ASB18: variants seen among roughly 807,000 people sequenced by gnomAD.
ASB18 encodes ankyrin repeat and SOCS box protein 18.
Under a neutral mutation model 33.4 loss-of-function variants are expected in ASB18, and 33 were observed. The ratio of observed to expected loss-of-function variants is 0.99; its 90% CI spans 0.75 to 1.32. ASB18 has a LOEUF of 1.32. Ranked by LOEUF, ASB18 falls within the 40% of genes most tolerant of loss-of-function variation. The probability of loss-of-function intolerance (pLI) is 0.00; values close to 1 mark genes in which losing one functional copy is unlikely to be tolerated. For missense variants in ASB18, 694 were observed against 655.5 expected (o/e 1.06, Z -0.64); for synonymous variants, 295 against 307.6 (o/e 0.96, Z 0.43).
rs2060709042 is a variant in ASB18 at position 236,259,626 on chromosome 2, T to C, written c.205+4515A>G. 2.1e-6 allele frequency: 1 copy of C among 469,996 alleles called. No homozygotes were observed. Among genetic ancestry groups the C allele is most frequent in the South Asian group, 1.6e-5 (1 of 64,386 alleles). The allele number at this position is 469,996 out of a possible 1,614,324, so 29.1% of individuals were successfully genotyped here. Reference sequence around the variant, plus strand: ...TGAGCAGAGGAGGTGCAGCCCTGGCTGGGAGGATCCTGTTGGGATGGGGAT... The same window carrying C: ...TGAGCAGAGGAGGTGCAGCCCTGGCCGGGAGGATCCTGTTGGGATGGGGAT... On this transcript the variant is annotated intron_variant, in intron 1 of 5. Transcript: ENST00000409749. This position sits in a 1 kb window ranked among gnomAD's most constrained non-coding sequence, Gnocchi z 4.4.
rs1045100840 is a variant in ASB18 at position 236,234,886 on chromosome 2, A to AT, written c.596+2802dup. Among the ~76,000 whole-genome samples the AT allele has an allele frequency of 7.2e-5, 11 of 151,794 alleles. No homozygotes were observed. Among genetic ancestry groups the AT allele is most frequent in the Non-Finnish European group, 1.3e-4 (9 of 67,856 alleles). Reference sequence around the variant, plus strand: ...ATCTGTATGACCTTGGGTTAGGCAGATTTTTTTTTAGATATCATAACCCAA... The same window carrying AT: ...ATCTGTATGACCTTGGGTTAGGCAGATTTTTTTTTTAGATATCATAACCCAA... On this transcript the variant is annotated intron_variant, in intron 3 of 5. Coordinates refer to ENST00000409749, the MANE Select transcript of ASB18 (RefSeq NM_212556.4). The surrounding 1 kb of genome is among the most constrained non-coding windows in gnomAD (Gnocchi z 4.1).
Position 236,237,418 on chromosome 2 carries a change from C to G in ASB18, c.596+271G>C, listed in dbSNP as rs1230956622. On this transcript the variant is annotated intron_variant, in intron 3 of 5. Coordinates refer to ENST00000409749, the MANE Select transcript of ASB18 (RefSeq NM_212556.4). The surrounding 1 kb of genome is among the most constrained non-coding windows in gnomAD (Gnocchi z 6.2). ...CGGGGCCGGGGCGCGGGGCGGGGGC[C>G]GGGGCCGGGGCGCGGGGCGAGGGCC... Among the ~76,000 whole-genome samples the G allele has an allele frequency of 2.8e-5, 3 of 106,564 alleles. No individual in the cohort carries two copies. Among genetic ancestry groups the G allele is most frequent in the African/African-American group, 1.4e-4 (3 of 20,740 alleles). The allele number at this position is 106,564 out of a possible 152,430, so 69.9% of individuals were successfully genotyped here. A position where few individuals can be genotyped will look rare whatever the true frequency, so the allele number is the denominator to read the frequency against.
chr2:236,226,228 C>G lies in ASB18; in HGVS notation c.597-11362G>C, dbSNP rs930758358. Among the ~76,000 whole-genome samples the G allele has an allele frequency of 6.6e-6, 1 of 152,110 alleles. No homozygotes were observed. The highest frequency in any genetic ancestry group is 2.4e-5 in the African/African-American group (1 of 41,418). ...TGTAGAGGTGTTCAATGGGACCTGCCAGCATATTCCATTATCATCATTGAT... is the reference window on the plus strand; with the variant it reads ...TGTAGAGGTGTTCAATGGGACCTGCGAGCATATTCCATTATCATCATTGAT... On this transcript the variant is annotated intron_variant, in intron 3 of 5. Coordinates refer to ENST00000409749, the MANE Select transcript of ASB18 (RefSeq NM_212556.4). The surrounding 1 kb of genome is among the most constrained non-coding windows in gnomAD (Gnocchi z 4.8).
Position 236,222,766 on chromosome 2 carries a change from T to C in ASB18, c.597-7900A>G, listed in dbSNP as rs2060518361. 6.6e-6 allele frequency among the ~76,000 whole-genome samples: 1 copy of C among 152,202 alleles called. No homozygotes were observed. Among genetic ancestry groups the C allele is most frequent in the East Asian group, 1.9e-4 (1 of 5,194 alleles). ...CAGGTGTGGTGGCTCACGCCTGTAA[T>C]CCCAACACTTTGGGAGGCCGAGGTA... On this transcript the variant is annotated intron_variant, in intron 3 of 5. Coordinates refer to ENST00000409749, the MANE Select transcript of ASB18 (RefSeq NM_212556.4). The surrounding 1 kb of genome is among the most constrained non-coding windows in gnomAD (Gnocchi z 5.5).
chr2:236,197,719 G>T (rs567454712), intron 4 of ASB18, among the ~76,000 whole-genome samples: 1 of 152,264 alleles, frequency 6.6e-6, no homozygotes, highest in East Asian at 1.9e-4. Context: ...CTACACGGGA[G>T]GCTGACACAG....
chr2:236,198,281 C>G (rs896344776), intron 4 of ASB18, among the ~76,000 whole-genome samples: 1 of 152,116 alleles, frequency 6.6e-6, no homozygotes, highest in African/African-American at 2.4e-5. Context: ...ATATATATGA[C>G]AACAATGGGT....
In ASB18 at chr2:236,215,643, C is replaced by T. The variant is rs1204356186; in HGVS notation, c.597-777G>A. On this transcript the variant is annotated intron_variant, in intron 3 of 5. Coordinates refer to ENST00000409749, the MANE Select transcript of ASB18 (RefSeq NM_212556.4). This position sits in a 1 kb window ranked among gnomAD's most constrained non-coding sequence, Gnocchi z 7.2. The stretch of plus-strand genomic sequence containing the variant: ...CACCAGGCTTCCTCAGAGCCTCTCC[C>T]ATCCCCTGGGGGCACTCTAAACAGC... Among the ~76,000 whole-genome samples, 1 of 152,164 alleles carries T rather than the reference C, an allele frequency of 6.6e-6. No homozygotes were observed. The highest frequency in any genetic ancestry group is 2.4e-5 in the African/African-American group (1 of 41,426).
In ASB18 at chr2:236,239,514, G is replaced by T. The variant is rs13428407; in HGVS notation, c.329-1558C>A. On this transcript the variant is annotated intron_variant, in intron 2 of 5. Transcript: ENST00000409749. This position sits in a 1 kb window ranked among gnomAD's most constrained non-coding sequence, Gnocchi z 5.6. ...GACGTGAATTAAGGCTCAGGAAGCC[G>T]GAATCAGCTTTCTGTAACTCCCGCC... Among the ~76,000 whole-genome samples the T allele has an allele frequency of 0.13, 10,734 of 80,760 alleles. 2,332 individuals are homozygous for T. The highest frequency in any genetic ancestry group is 0.32 in the African/African-American group (8,181 of 25,432). 53.0% of individuals were successfully genotyped at this position (80,760 alleles called of 152,430 possible).
intron 3 of ASB18, among the ~76,000 whole-genome samples, chr2:236,233,498 T>A (rs1467686752): frequency 2.0e-5 from 3 of 152,148 alleles, no homozygotes; most frequent in Non-Finnish European, 4.4e-5. Flanking sequence ...ATTGTATTTA[T>A]TTGTAGACGA....
Position 236,195,541 on chromosome 2 carries a change from A to G in ASB18, c.1216-484T>C, listed in dbSNP as rs2060367839. Among the ~76,000 whole-genome samples the G allele has an allele frequency of 6.7e-6, 1 of 148,444 alleles. No individual in the cohort carries two copies. The stretch of plus-strand genomic sequence containing the variant: ...CTCTCTTTTTTTTTTTTTGAGATGG[A>G]GTCTAGCTCTGTCACCCAGGCTGGA... On this transcript the variant is annotated intron_variant, in intron 5 of 5. Transcript: ENST00000409749. The surrounding 1 kb of genome is among the most constrained non-coding windows in gnomAD (Gnocchi z 5.5).
rs550691644 is a variant in ASB18 at position 236,252,099 on chromosome 2, C to T, written c.206-10697G>A. Among the ~76,000 whole-genome samples the T allele has an allele frequency of 6.6e-6, 1 of 152,106 alleles. No individual in the cohort carries two copies. The highest frequency in any genetic ancestry group is 1.5e-5 in the Non-Finnish European group (1 of 68,018). On this transcript the variant is annotated intron_variant, in intron 1 of 5. Coordinates refer to ENST00000409749, the MANE Select transcript of ASB18 (RefSeq NM_212556.4). This position sits in a 1 kb window ranked among gnomAD's most constrained non-coding sequence, Gnocchi z 7.9. Reference sequence around the variant, plus strand: ...CAGGCTGACCAACAGGGTAAAACCCCGTCTCTACTAAAAGTACAAAAATCA... The same window carrying T: ...CAGGCTGACCAACAGGGTAAAACCCTGTCTCTACTAAAAGTACAAAAATCA...
rs927055682 is a variant in ASB18 at position 236,221,970 on chromosome 2, C to T, written c.597-7104G>A. On this transcript the variant is annotated intron_variant, in intron 3 of 5. Coordinates refer to ENST00000409749, the MANE Select transcript of ASB18 (RefSeq NM_212556.4). The surrounding 1 kb of genome is among the most constrained non-coding windows in gnomAD (Gnocchi z 5.6). ...GCTGGGTCCCAGGGTGGGTGCTGGGCATGTGCCAGCCTATGGGGGCAAGGT... is the reference window on the plus strand; with the variant it reads ...GCTGGGTCCCAGGGTGGGTGCTGGGTATGTGCCAGCCTATGGGGGCAAGGT... Among the ~76,000 whole-genome samples, 3 of 152,280 alleles carry T rather than the reference C, an allele frequency of 2.0e-5. No homozygotes were observed. The South Asian group carries it at 6.2e-4, about 32-fold the overall frequency.
At position 236,205,588 on chromosome 2, in the gene ASB18, CT is replaced by C. The variant is rs552084856; in HGVS notation, c.1101+8773del. ...AAGCTCCACATAGGCAGGAATACTTCTTTCCCCTTATCTGTTCACTCACTTA... is the reference window on the plus strand; with the variant it reads ...AAGCTCCACATAGGCAGGAATACTTCTTCCCCTTATCTGTTCACTCACTTA... On this transcript the variant is annotated intron_variant, in intron 4 of 5. Transcript: ENST00000409749. This position sits in a 1 kb window ranked among gnomAD's most constrained non-coding sequence, Gnocchi z 5.4. Among the ~76,000 whole-genome samples the C allele has an allele frequency of 2.2e-3, 342 of 152,360 alleles. 2 individuals carry two copies. The highest frequency in any genetic ancestry group is 7.8e-3 in the African/African-American group (323 of 41,580).
chr2:236,247,982 C>G (rs1046404079), intron 1 of ASB18: 1 of 152,138 alleles, frequency 6.6e-6, no homozygotes, highest in African/African-American at 2.4e-5. Flanking sequence ...AGGAACACGT[C>G]AGGGTGGACT....
rs140323211 is a variant in ASB18, at chr2:236,215,362, T to C, written c.597-496A>G. On this transcript the variant is annotated intron_variant, in intron 3 of 5. Coordinates refer to ENST00000409749, the MANE Select transcript of ASB18 (RefSeq NM_212556.4). This position sits in a 1 kb window ranked among gnomAD's most constrained non-coding sequence, Gnocchi z 7.2. ...CTTGCCTTGCACCACGAAGGGACTT[T>C]CCCCATCCCTCAGGACACTGACTCA... Among the ~76,000 whole-genome samples, 777 of 152,238 alleles carry C rather than the reference T, an allele frequency of 5.1e-3. 7 individuals carry two copies. Among genetic ancestry groups the C allele is most frequent in the African/African-American group, 0.018 (734 of 41,530 alleles).
At position 236,213,784 on chromosome 2, in the gene ASB18, GA is replaced by G. The variant is rs2060469412; in HGVS notation, c.1101+577del. 1 of 154,668 alleles carries G rather than the reference GA, an allele frequency of 6.5e-6. No individual in the cohort carries two copies. Among genetic ancestry groups the G allele is most frequent in the Admixed American group, 6.3e-5 (1 of 15,846 alleles). 9.6% of individuals were successfully genotyped at this position (154,668 alleles called of 1,614,324 possible). A position where few individuals can be genotyped will look rare whatever the true frequency, so the allele number is the denominator to read the frequency against. ...CCTGGGCAGGGCACTTCACCTGACC[GA>G]ACCCCAGGTAGAGGGAGAATATCAC... On this transcript the variant is annotated intron_variant, in intron 4 of 5. Transcript: ENST00000409749. This position sits in a 1 kb window ranked among gnomAD's most constrained non-coding sequence, Gnocchi z 4.8.
At position 236,252,787 on chromosome 2, in the gene ASB18, C is replaced by A. The variant is rs761214411; in HGVS notation, c.205+11354G>T. On this transcript the variant is annotated intron_variant, in intron 1 of 5. Coordinates refer to ENST00000409749, the MANE Select transcript of ASB18 (RefSeq NM_212556.4). The surrounding 1 kb of genome is among the most constrained non-coding windows in gnomAD (Gnocchi z 7.9). The stretch of plus-strand genomic sequence containing the variant: ...CTGAGAGGAGAGGAGGGGCCTAGAT[C>A]CTTTGGTGGACACAGAGATGAACCA... Among the ~76,000 whole-genome samples, 3 of 152,110 alleles carry A rather than the reference C, an allele frequency of 2.0e-5. No individual in the cohort carries two copies. Among genetic ancestry groups the A allele is most frequent in the African/African-American group, 4.8e-5 (2 of 41,410 alleles).
At position 236,208,644 on chromosome 2, in the gene ASB18, T is replaced by TGACA. The variant is rs1559328474; in HGVS notation, c.1101+5714_1101+5717dup. On this transcript the variant is annotated intron_variant, in intron 4 of 5. Coordinates refer to ENST00000409749, the MANE Select transcript of ASB18 (RefSeq NM_212556.4). The surrounding 1 kb of genome is among the most constrained non-coding windows in gnomAD (Gnocchi z 7.7). Reference sequence around the variant, plus strand: ...CCCTCCCCCACCGGGTCACAGACTGTGACAGAGTCTTATTGCCTGTCTCTG... The same window carrying TGACA: ...CCCTCCCCCACCGGGTCACAGACTGTGACAGACAGAGTCTTATTGCCTGTCTCTG... Among the ~76,000 whole-genome samples the TGACA allele has an allele frequency of 6.6e-6, 1 of 152,162 alleles. No individual in the cohort carries two copies. The highest frequency in any genetic ancestry group is 2.1e-4 in the South Asian group (1 of 4,794).
rs896179472 is a variant in ASB18, at chr2:236,204,428, C to T, written c.1102-8043G>A. 1.3e-5 allele frequency among the ~76,000 whole-genome samples: 2 copies of T among 152,196 alleles called. No individual in the cohort carries two copies. Among genetic ancestry groups the T allele is most frequent in the Non-Finnish European group, 2.9e-5 (2 of 68,034 alleles). ...GTCTCATCTCCGTCCTTCAGATGTT[C>T]GACCATCCCTGCATTCAGGCCTGTT... On this transcript the variant is annotated intron_variant, in intron 4 of 5. Transcript: ENST00000409749. This position sits in a 1 kb window ranked among gnomAD's most constrained non-coding sequence, Gnocchi z 5.1.
Sources: allele counts gnomAD v4.1 joint callset (sites outside exome capture counted in the v4.1 genomes callset), GRCh38; gene constraint gnomAD v4.1.1; non-coding constraint Gnocchi (gnomAD v3.1); transcripts MANE v1.5; gene names NCBI Gene and HGNC (gene_info 2026-07-23, HGNC 2026-07-21).